The following CEP164 variants were observed in gnomAD, a reference collection of about 807,000 sequenced individuals.
CEP164 encodes centrosomal protein of 164 kDa.
A neutral mutation model predicts 182.7 loss-of-function variants in CEP164; 162 were observed. That is an observed-to-expected ratio of 0.89 (90% CI 0.78 to 1.01). The LOEUF (loss-of-function observed/expected upper bound fraction) is 1.01, where lower values mean the gene tolerates loss of function less well. Ranked by LOEUF, CEP164 falls within the 50% of genes least tolerant of loss-of-function variation. CEP164 has a pLI of 0.00. For synonymous variants in CEP164, 661 were observed against 690.0 expected (o/e 0.96, Z 0.66); for missense variants, 1,735 against 1,790.4 (o/e 0.97, Z 0.56).
intron 10 of CEP164, among the ~76,000 whole-genome samples, chr11:117,374,752 A>G (rs903876689): frequency 8.5e-5 from 13 of 152,244 alleles, no homozygotes; most frequent in Admixed American, 2.0e-4. Flanking sequence ...TAAAGCAGTC[A>G]CCCATGTGGA....
chr11:117,342,877 G>GT (rs747759232), intron 3 of CEP164, among the ~76,000 whole-genome samples: 2 of 151,992 alleles, frequency 1.3e-5, no homozygotes, highest in Non-Finnish European at 2.9e-5. Flanking sequence ...CAAAATTTTT[G>GT]TTTGTTTGTT....
chr11:117,355,643 G>C (rs2040217141), intron 5 of CEP164: 1 of 1,193,222 alleles, frequency 8.4e-7, no homozygotes, highest in South Asian at 1.6e-5. Flanking sequence ...CCCTACTGAA[G>C]ACCTGAGCTG....
intron 5 of CEP164, chr11:117,355,691 GGGA>G (rs1280146575): frequency 1.2e-5 from 14 of 1,188,206 alleles, no homozygotes; most frequent in South Asian, 7.9e-5. Context: ...CATAGGCAGC[GGGA>G]GGAGGAGGAG....
chr11:117,324,461 G>A (rs994435144), upstream of CEP164, among the ~76,000 whole-genome samples: 4 of 150,390 alleles, frequency 2.7e-5, no homozygotes, highest in African/African-American at 7.4e-5. Context: ...AAAAAAATTT[G>A]TGTGTCATTT....
At chr11:117,406,247 G>A (rs2046660155) in intron 27 of CEP164, among the ~76,000 whole-genome samples, 1 of 152,190 alleles carries the variant, frequency 6.6e-6, no homozygotes, top group Non-Finnish European at 1.5e-5. Flanking sequence ...GAGGCAAAAG[G>A]CACTTCTCAC....
intron 4 of CEP164, among the ~76,000 whole-genome samples, chr11:117,347,302 G>A (rs1423120427): frequency 6.6e-6 from 1 of 152,158 alleles, no homozygotes; most frequent in East Asian, 1.9e-4. Flanking sequence ...CTTGATTACT[G>A]TAGTTTTATA....
At chr11:117,363,025 G>A (rs901249021) in intron 7 of CEP164, among the ~76,000 whole-genome samples, 19 of 152,120 alleles carry the variant, frequency 1.2e-4, no homozygotes, top group African/African-American at 4.6e-4. Flanking sequence ...AATATTCCAT[G>A]GTATGGATAT....
At position 117,375,764 on chromosome 11, in the gene CEP164, C is replaced by T. The variant is rs768620168; in HGVS notation, c.1290C>T (p.Ser430=). The stretch of plus-strand genomic sequence containing the variant: ...ACCTGCTGGATGTTGATGTGCTTTC[C>T]CCAGTCCTGGGTGGAGCTTGTCGGC... ...SEHLLDVDVL[S]PVLGGACRQA... The change falls in exon 11 of 33, where the codon TCC becomes TCT. Residue 430 remains serine (S), a synonymous_variant. Coordinates refer to ENST00000278935, the MANE Select transcript of CEP164 (RefSeq NM_014956.5). 2 of 1,614,026 alleles carry T rather than the reference C, an allele frequency of 1.2e-6. No individual in the cohort carries two copies. Among genetic ancestry groups the T allele is most frequent in the South Asian group, 1.1e-5 (1 of 91,068 alleles).
At chr11:117,407,590 C>T (rs955095684) in intron 27 of CEP164, among the ~76,000 whole-genome samples, 1 of 151,516 alleles carries the variant, frequency 6.6e-6, no homozygotes, top group Admixed American at 6.6e-5. Context: ...GAAGTTGAGG[C>T]TACAATGAGT....
At chr11:117,325,300 G>A (rs1050245291), upstream of CEP164, among the ~76,000 whole-genome samples, 3 of 152,128 alleles carry the variant, frequency 2.0e-5, no homozygotes, top group African/African-American at 7.2e-5. Flanking sequence ...GGCCAGGCTG[G>A]TCTTGAGCTC....
In CEP164 at chr11:117,338,627, T is replaced by C; in HGVS notation, c.41T>C (p.Leu14Pro). The C allele has an allele frequency of 6.2e-7, 1 of 1,614,170 alleles. No individual in the cohort carries two copies. Among genetic ancestry groups the C allele is most frequent in the Non-Finnish European group, 8.5e-7 (1 of 1,180,004 alleles). ...RPLRIGDQLVLEEDYDETYIP... is the reference protein window; with the variant it reads ...RPLRIGDQLVPEEDYDETYIP... ...CTCCGCATAGGAGATCAGCTGGTTC[T>C]GGAAGAAGATTATGATGAGACCTAC... is the stretch of plus-strand genomic sequence containing the variant. Residue 14 changes from leucine to proline, a missense_variant, in exon 3 of 33, where the codon CTG becomes CCG. Coordinates refer to ENST00000278935, the MANE Select transcript of CEP164 (RefSeq NM_014956.5).
At chr11:117,375,594 G>T in intron 10 of CEP164, 114 bp from the exon 11 acceptor site, 1 of 783,354 alleles carries the variant, frequency 1.3e-6, no homozygotes, top group Non-Finnish European at 2.3e-6. Flanking sequence ...TTGGCACAGA[G>T]CTGGGCACAT....
intron 27 of CEP164, among the ~76,000 whole-genome samples, chr11:117,402,345 T>A (rs182364001): frequency 4.1e-4 from 62 of 150,998 alleles, no homozygotes; most frequent in African/African-American, 1.5e-3. Context: ...TTCAGCCTCC[T>A]GAGTAGCTGG....
chr11:117,357,174 A>C (rs192007338), intron 5 of CEP164, among the ~76,000 whole-genome samples: 12 of 145,022 alleles, frequency 8.3e-5, no homozygotes, highest in Non-Finnish European at 1.7e-4. Flanking sequence ...GCTCACTGCA[A>C]TCTGCACCTC....
At chr11:117,349,338 G>A (rs1421373938) in intron 4 of CEP164, among the ~76,000 whole-genome samples, 1 of 152,082 alleles carries the variant, frequency 6.6e-6, no homozygotes, top group Non-Finnish European at 1.5e-5. Context: ...TGGACATTTG[G>A]TCTTCTTTCT....
chr11:117,350,227 G>A (rs1417078813), intron 4 of CEP164, among the ~76,000 whole-genome samples: 1 of 151,422 alleles, frequency 6.6e-6, no homozygotes, highest in African/African-American at 2.4e-5. Context: ...TTTTGAAACA[G>A]GGTCTTGCCC....
intron 2 of CEP164, chr11:117,336,534 A>G (rs2037147984): frequency 1.3e-6 from 2 of 1,529,754 alleles, no homozygotes; most frequent in Admixed American, 1.8e-5. Context: ...GAAAGGGTGG[A>G]TTGATAGGTG....
At chr11:117,402,378 G>T (rs568984) in intron 27 of CEP164, among the ~76,000 whole-genome samples, 5,791 of 152,122 alleles carry the variant, frequency 0.038, 187 homozygotes, top group Non-Finnish European at 0.058. Flanking sequence ...GTGCCACCAT[G>T]CCTGGTTAAT....
intron 1 of CEP164, among the ~76,000 whole-genome samples, chr11:117,334,621 A>G (rs2036746178): frequency 6.6e-6 from 1 of 151,998 alleles, no homozygotes; most frequent in African/African-American, 2.4e-5. Flanking sequence ...TCTAATCTCT[A>G]CTAAAAATCC....
Sources: gnomAD v4.1 joint callset for allele counts (sites outside exome capture counted in the v4.1 genomes callset) on GRCh38, gnomAD v4.1.1 for gene constraint, MANE v1.5 for transcripts, NCBI Gene and HGNC (gene_info 2026-07-23, HGNC 2026-07-21) for gene names.